MMD2: variants seen among roughly 807,000 people sequenced by gnomAD.
The protein encoded by MMD2 is monocyte to macrophage differentiation factor 2.
MMD2 carries 30 observed loss-of-function variants against 33.5 expected under a neutral mutation model. The ratio of observed to expected loss-of-function variants is 0.90; its 90% confidence interval spans 0.67 to 1.22. The LOEUF (loss-of-function observed/expected upper bound fraction) is 1.22, where lower values mean the gene tolerates loss of function less well. Ranked by LOEUF, MMD2 falls within the 50% of genes most tolerant of loss-of-function variation. The pLI is 0.00. For synonymous variants in MMD2, 129 were observed against 123.0 expected (o/e 1.05, Z -0.32); for missense variants, 364 against 325.4 (o/e 1.12, Z -0.91).
At chr7:4,907,694 T>C in intron 6 of MMD2, 95 bp from the exon 7 acceptor site, 2 of 1,260,088 alleles carry the variant, frequency 1.6e-6, no homozygotes, top group Non-Finnish European at 1.1e-6. Flanking sequence ...CCAAAAGACA[T>C]GCAGATGGCA....
intron 1 of MMD2, among the ~76,000 whole-genome samples, chr7:4,952,481 G>T (rs1049959728): frequency 2.0e-5 from 3 of 152,180 alleles, no homozygotes; most frequent in Non-Finnish European, 4.4e-5. Context: ...GGCATAGGCC[G>T]GGCGGCCACT....
rs540100872 is a variant in MMD2, at chr7:4,959,005, G to C, written c.13C>G (p.Arg5Gly). The C allele has an allele frequency of 1.6e-6, 2 of 1,271,892 alleles. No individual in the cohort carries two copies. Among genetic ancestry groups the C allele is most frequent in the South Asian group, 3.0e-5 (1 of 32,914 alleles). The allele number at this position is 1,271,892 out of a possible 1,614,324, so 78.8% of individuals were successfully genotyped here. A position where few individuals can be genotyped will look rare whatever the true frequency, so the allele number is the denominator to read the frequency against. Residue 5 changes from arginine to glycine, a missense_variant, in exon 1 of 7, where the codon CGG (arginine) becomes GGG (glycine). Transcript: ENST00000401401. MFAP[R>G]LLDFQKTKYA... ...TTCGTCTTCTGGAAATCCAGCAGCC[G>C]GGGGGCGAACATCGCGGCGCTTCCA...
intron 1 of MMD2, among the ~76,000 whole-genome samples, chr7:4,934,514 G>T (rs918344233): frequency 6.6e-6 from 1 of 152,204 alleles, no homozygotes; most frequent in South Asian, 2.1e-4. Flanking sequence ...CGAAAGAGCC[G>T]ACGTTTCCAG....
At chr7:4,955,828 G>A (rs1179978138) in intron 1 of MMD2, among the ~76,000 whole-genome samples, 1 of 152,148 alleles carries the variant, frequency 6.6e-6, no homozygotes, top group African/African-American at 2.4e-5. Flanking sequence ...CAAGGTGGGT[G>A]GATCATTTGA....
Position 4,940,534 on chromosome 7 carries a change from T to G in MMD2, c.48-15002A>C, listed in dbSNP as rs1056551415. 3.3e-5 allele frequency among the ~76,000 whole-genome samples: 5 copies of G among 152,206 alleles called. No homozygotes were observed. Among genetic ancestry groups the G allele is most frequent in the African/African-American group, 1.2e-4 (5 of 41,460 alleles). On this transcript the variant is annotated intron_variant, in intron 1 of 6. Coordinates refer to ENST00000401401, the MANE Select transcript of MMD2 (RefSeq NM_198403.4). This position sits in a 1 kb window ranked among gnomAD's most constrained non-coding sequence, Gnocchi z 5.0. ...AGGCAAGGGACCACGCAGGGCCAAG[T>G]TGGCCCCGGCCGTGCTAAGCCTCTC...
At chr7:4,927,410 T>A (rs986645012) in intron 1 of MMD2, among the ~76,000 whole-genome samples, 1 of 152,044 alleles carries the variant, frequency 6.6e-6, no homozygotes, top group Non-Finnish European at 1.5e-5. Context: ...CTGGGAGTGG[T>A]GGCATGTGCC....
intron 1 of MMD2, among the ~76,000 whole-genome samples, chr7:4,931,135 GC>G (rs1785576032): frequency 6.6e-6 from 1 of 152,124 alleles, no homozygotes; most frequent in Non-Finnish European, 1.5e-5. Flanking sequence ...ACAGGCGTGA[GC>G]CACTGTGCCC....
intron 1 of MMD2, among the ~76,000 whole-genome samples, chr7:4,937,553 C>G (rs1405638169): frequency 6.6e-6 from 1 of 152,140 alleles, no homozygotes; most frequent in African/African-American, 2.4e-5. Context: ...CTGTCATTCA[C>G]GCTGAAACGC....
chr7:4,899,297 CTAGGACAGGA>C, the MMD2 span, among the ~76,000 whole-genome samples: 1 of 152,116 alleles, frequency 6.6e-6, no homozygotes, highest in Non-Finnish European at 1.5e-5. Context: ...TAGACAAAGG[CTAGGACAGGA>C]TAGGATAGGA....
At chr7:4,893,961 T>C in the MMD2 span, among the ~76,000 whole-genome samples, 1 of 152,168 alleles carries the variant, frequency 6.6e-6, no homozygotes, top group Non-Finnish European at 1.5e-5. Context: ...TGGGCTTCTT[T>C]ACCACACCCT....
In MMD2 at chr7:4,907,876, A is replaced by G. The variant is rs142808866; in HGVS notation, c.538-277T>C. On this transcript the variant is annotated intron_variant, in intron 6 of 6. Transcript: ENST00000401401. ...AGCGGGAGTGCAGTGGCACAAGCGT[A>G]GCTCACTGTAGCCTCCAACTCCTGG... Among the ~76,000 whole-genome samples, 449 of 152,270 alleles carry G rather than the reference A, an allele frequency of 2.9e-3. 2 individuals carry two copies. Among genetic ancestry groups the G allele is most frequent in the Middle Eastern group, 0.014 (4 of 294 alleles).
chr7:4,909,663 T>C (rs1252429315), intron 6 of MMD2: 7 of 733,860 alleles, frequency 9.5e-6, no homozygotes, highest in Non-Finnish European at 1.7e-5. Context: ...CTCAAATCCC[T>C]GGACTCAAAC....
At chr7:4,924,190 T>A (rs2115110376) in intron 2 of MMD2, among the ~76,000 whole-genome samples, 1 of 151,988 alleles carries the variant, frequency 6.6e-6, no homozygotes, top group Non-Finnish European at 1.5e-5. Flanking sequence ...AGACTTCGTC[T>A]CAAAAAAAAC....
chr7:4,896,970 C>G, the MMD2 span, among the ~76,000 whole-genome samples: 2 of 152,042 alleles, frequency 1.3e-5, no homozygotes, highest in African/African-American at 2.4e-5. Context: ...AGTGATTCTC[C>G]TGCCTCAGCC....
At position 4,906,262 on chromosome 7, in the gene MMD2, C is replaced by A; in HGVS notation, c.*1134G>T. On this transcript the variant is annotated 3_prime_UTR_variant, in exon 7 of 7. Coordinates refer to ENST00000401401, the MANE Select transcript of MMD2 (RefSeq NM_198403.4). ...AGGCAGCATTGGACAGAGAGGCTGGCCCCGCCCTGACGGGGGCTGAAGAAC... is the reference window on the plus strand; with the variant it reads ...AGGCAGCATTGGACAGAGAGGCTGGACCCGCCCTGACGGGGGCTGAAGAAC... 2.6e-6 allele frequency: 1 copy of A among 380,848 alleles called. No homozygotes were observed. The highest frequency in any genetic ancestry group is 4.6e-6 in the Non-Finnish European group (1 of 215,078). The allele number at this position is 380,848 out of a possible 1,614,324, so 23.6% of individuals were successfully genotyped here.
At chr7:4,915,480 C>G (rs908000497) in intron 4 of MMD2, among the ~76,000 whole-genome samples, 1 of 151,866 alleles carries the variant, frequency 6.6e-6, no homozygotes, top group Non-Finnish European at 1.5e-5. Context: ...TGGCTCACAC[C>G]TGTAATCCAA....
intron 4 of MMD2, 130 bp from the exon 5 acceptor site, chr7:4,911,376 T>G: frequency 1.5e-6 from 1 of 657,646 alleles, no homozygotes; most frequent in Non-Finnish European, 2.6e-6. Context: ...GGCTGGGACA[T>G]GGGCGCTCAC....
intron 1 of MMD2, among the ~76,000 whole-genome samples, chr7:4,954,882 A>G (rs1583405798): frequency 6.6e-6 from 1 of 152,250 alleles, no homozygotes; most frequent in Non-Finnish European, 1.5e-5. Flanking sequence ...TCATCCCTCT[A>G]AAAGTGTCTT....
the MMD2 span, among the ~76,000 whole-genome samples, chr7:4,896,858 T>C: frequency 7.2e-5 from 11 of 151,908 alleles, no homozygotes; most frequent in East Asian, 2.1e-3. Flanking sequence ...CTCTATTCTT[T>C]TCTTTTCTTT....
Sources: allele counts gnomAD v4.1 joint callset (sites outside exome capture counted in the v4.1 genomes callset), GRCh38; gene constraint gnomAD v4.1.1; non-coding constraint Gnocchi (gnomAD v3.1); transcripts MANE v1.5; gene names NCBI Gene and HGNC (gene_info 2026-07-23, HGNC 2026-07-21).